Variants in MEMO1 observed in about 807,000 individuals in gnomAD.
The protein encoded by MEMO1 is protein MEMO1.
A neutral mutation model predicts 45.2 loss-of-function variants in MEMO1; 6 were observed. The observed-to-expected ratio is 0.13, with a 90% confidence interval of 0.07 to 0.26. The LOEUF (loss-of-function observed/expected upper bound fraction) is 0.26, where lower values mean the gene tolerates loss of function less well. Among genes scored for constraint, MEMO1 ranks in the 10% least tolerant of loss-of-function variants. The pLI, the probability that MEMO1 is intolerant of heterozygous loss-of-function variation, is 1.00. For synonymous variants in MEMO1, 78 were observed against 124.3 expected (o/e 0.63, Z 2.48); for missense variants, 184 against 370.5 (o/e 0.50, Z 4.13).
At chr2:31,970,543 A>T (rs1669259592) in intron 2 of MEMO1, among the ~76,000 whole-genome samples, 1 of 152,154 alleles carries the variant, frequency 6.6e-6, no homozygotes, top group South Asian at 2.1e-4. Context: ...GATGAGTCTT[A>T]GGTTTACTAT....
At chr2:31,931,981 C>T in intron 4 of MEMO1, 86 bp downstream of exon 4, 3 of 1,146,504 alleles carry the variant, frequency 2.6e-6, no homozygotes, top group Non-Finnish European at 3.9e-6. Context: ...TACATAATAA[C>T]AATAAGTATA....
chr2:31,998,661 A>C (rs1408225974), intron 2 of MEMO1, among the ~76,000 whole-genome samples: 1 of 152,094 alleles, frequency 6.6e-6, no homozygotes, highest in Non-Finnish European at 1.5e-5. Flanking sequence ...TCAGCTGGGC[A>C]TGGTGGTGGG....
intron 2 of MEMO1, among the ~76,000 whole-genome samples, chr2:31,969,394 C>T (rs1033882025): frequency 4.8e-5 from 7 of 145,736 alleles, no homozygotes; most frequent in Non-Finnish European, 7.5e-5. Context: ...TATATATATA[C>T]GTGTATATAC....
Position 31,972,314 on chromosome 2 carries a change from C to A in MEMO1, c.62-28931G>T, listed in dbSNP as rs1184684145. ...GAAACAAAGCTGGCTGTGTCAAAAA[C>A]ATACCAAATTAAGAAATGATATAAC... is the stretch of plus-strand genomic sequence containing the variant. On this transcript the variant is annotated intron_variant, in intron 2 of 9. Transcript: ENST00000404530. Among the ~76,000 whole-genome samples, 2 of 152,124 alleles carry A rather than the reference C, an allele frequency of 1.3e-5. 1 individual carries two copies. Among genetic ancestry groups the A allele is most frequent in the Non-Finnish European group, 2.9e-5 (2 of 68,024 alleles).
intron 8 of MEMO1, among the ~76,000 whole-genome samples, chr2:31,879,003 C>T (rs1674967259): frequency 6.6e-6 from 1 of 152,164 alleles, no homozygotes; most frequent in South Asian, 2.1e-4. Context: ...ATTAATGTTA[C>T]TGGAAATTCT....
At chr2:31,915,836 T>C (rs1427882562) in intron 6 of MEMO1, among the ~76,000 whole-genome samples, 3 of 152,210 alleles carry the variant, frequency 2.0e-5, no homozygotes, top group Non-Finnish European at 4.4e-5. Context: ...TAAACAGCTG[T>C]GATTTTAAGT....
chr2:31,951,411 G>C (rs1371131186), intron 2 of MEMO1, among the ~76,000 whole-genome samples: 1 of 151,702 alleles, frequency 6.6e-6, no homozygotes, highest in Non-Finnish European at 1.5e-5. Flanking sequence ...TTTCAATGCA[G>C]AACAGTGAAA....
At chr2:32,009,536 C>T (rs1445782077) in intron 2 of MEMO1, among the ~76,000 whole-genome samples, 1 of 152,188 alleles carries the variant, frequency 6.6e-6, no homozygotes, top group Non-Finnish European at 1.5e-5. Context: ...ACAGCGGAGC[C>T]CCTTAAAGGT....
At chr2:31,884,767 C>T (rs994655081) in intron 7 of MEMO1, among the ~76,000 whole-genome samples, 4 of 152,072 alleles carry the variant, frequency 2.6e-5, no homozygotes, top group Admixed American at 6.5e-5. Context: ...TGTAGCAGTC[C>T]TTATTCTCTC....
intron 8 of MEMO1, among the ~76,000 whole-genome samples, chr2:31,870,876 C>A (rs1002124969): frequency 1.3e-5 from 2 of 152,114 alleles, no homozygotes; most frequent in African/African-American, 4.8e-5. Context: ...CTGCACCCGG[C>A]CTACAACACA....
At chr2:31,932,471 C>T (rs1343358537) in intron 3 of MEMO1, among the ~76,000 whole-genome samples, 1 of 151,334 alleles carries the variant, frequency 6.6e-6, no homozygotes, top group Non-Finnish European at 1.5e-5. Flanking sequence ...CAGAGTCTCA[C>T]TTTGTCACCT....
intron 7 of MEMO1, among the ~76,000 whole-genome samples, chr2:31,889,240 C>T (rs996802655): frequency 6.6e-6 from 1 of 151,994 alleles, no homozygotes; most frequent in Non-Finnish European, 1.5e-5. Flanking sequence ...AGTAATTTTT[C>T]AAGTGTACTG....
At chr2:31,871,770 T>C (rs954243447) in intron 8 of MEMO1, among the ~76,000 whole-genome samples, 8 of 151,950 alleles carry the variant, frequency 5.3e-5, no homozygotes, top group African/African-American at 9.7e-5. Flanking sequence ...TCCCAGCACT[T>C]TGGGAGGCCG....
At chr2:31,973,133 A>C (rs929787728) in intron 2 of MEMO1, among the ~76,000 whole-genome samples, 1 of 152,172 alleles carries the variant, frequency 6.6e-6, no homozygotes, top group African/African-American at 2.4e-5. Context: ...TGACCCACCA[A>C]TTCCACTCTT....
At chr2:32,009,215 A>C (rs1325538851) in intron 2 of MEMO1, among the ~76,000 whole-genome samples, 1 of 152,192 alleles carries the variant, frequency 6.6e-6, no homozygotes. Context: ...TCAAAGCTTA[A>C]ACTTAATTCG....
At chr2:31,979,073 G>C (rs1000958478) in intron 2 of MEMO1, among the ~76,000 whole-genome samples, 2 of 152,124 alleles carry the variant, frequency 1.3e-5, no homozygotes, top group African/African-American at 4.8e-5. Flanking sequence ...CACATGGCTG[G>C]GGAGGTGGCA....
At chr2:31,980,283 A>G (rs1670485419) in intron 2 of MEMO1, among the ~76,000 whole-genome samples, 2 of 152,108 alleles carry the variant, frequency 1.3e-5, no homozygotes, top group South Asian at 4.1e-4. Context: ...AAATTTTAAA[A>G]TTAGCTGGGC....
intron 2 of MEMO1, among the ~76,000 whole-genome samples, chr2:31,983,524 T>C (rs1670910601): frequency 6.6e-6 from 1 of 152,102 alleles, no homozygotes; most frequent in South Asian, 2.1e-4. Context: ...GACATCCGCC[T>C]TCCGGGTTCA....
intron 4 of MEMO1, among the ~76,000 whole-genome samples, chr2:31,930,041 C>A (rs1018583126): frequency 2.0e-5 from 3 of 152,214 alleles, no homozygotes; most frequent in Admixed American, 2.0e-4. Flanking sequence ...GGGCGGATCA[C>A]CCGCAGTCAG....
Sources: gnomAD v4.1 joint callset for allele counts (sites outside exome capture counted in the v4.1 genomes callset) on GRCh38, gnomAD v4.1.1 for gene constraint, MANE v1.5 for transcripts, NCBI Gene and HGNC (gene_info 2026-07-23, HGNC 2026-07-21) for gene names.